SREBF2: variants seen among roughly 807,000 people sequenced by gnomAD.
SREBF2 encodes sterol regulatory element binding transcription factor 2.
Under a neutral mutation model 113.1 loss-of-function variants are expected in SREBF2, and 55 were observed. The observed-to-expected ratio is 0.49, with a 90% CI of 0.39 to 0.61. The LOEUF (loss-of-function observed/expected upper bound fraction) is 0.61, where lower values mean the gene tolerates loss of function less well. SREBF2 is among the 20% of genes least tolerant of loss of function. SREBF2 has a pLI of 0.00. For synonymous variants in SREBF2, 593 were observed against 605.7 expected, an observed-to-expected ratio of 0.98 and a Z score of 0.31; for missense variants, 1,349 against 1,487.4, an observed-to-expected ratio of 0.91 and a Z score of 1.53.
At chr22:41,895,324 A>G (rs908101582) in intron 13 of SREBF2, among the ~76,000 whole-genome samples, 1 of 149,748 alleles carries the variant, frequency 6.7e-6, no homozygotes, top group African/African-American at 2.5e-5. Context: ...TATTTTTAGT[A>G]GAGACGAGGT....
At position 41,833,219 on chromosome 22, in the gene SREBF2, C is replaced by T. The variant is rs1602253446; in HGVS notation, c.-52C>T. 6.9e-7 allele frequency: 1 copy of T among 1,445,604 alleles called. No individual in the cohort carries two copies. Among genetic ancestry groups the T allele is most frequent in the South Asian group, 1.3e-5 (1 of 77,918 alleles). The allele number at this position is 1,445,604 out of a possible 1,614,324, so 89.5% of individuals were successfully genotyped here. ...ATGGGCGGTGGCGACGGCACCGCCC[C>T]CGCGTCTCCCTGAGCGGGACGGCAG... On this transcript the variant is annotated 5_prime_UTR_variant, in exon 1 of 19. Transcript: ENST00000361204. This position sits in a 1 kb window ranked among gnomAD's most constrained non-coding sequence, Gnocchi z 4.1.
In SREBF2 at chr22:41,833,505, A is replaced by T. The variant is rs774646214; in HGVS notation, c.88+147A>T. On this transcript the variant is annotated intron_variant, in intron 1 of 18. Coordinates refer to ENST00000361204, the MANE Select transcript of SREBF2 (RefSeq NM_004599.4). The surrounding 1 kb of genome is among the most constrained non-coding windows in gnomAD (Gnocchi z 4.1). ...CGCACGGTGCCCCCGGCGGTCCTCAACCCTTCCGGCGCTGCGAGCGTGAGC... is the reference window on the plus strand; with the variant it reads ...CGCACGGTGCCCCCGGCGGTCCTCATCCCTTCCGGCGCTGCGAGCGTGAGC... 4.3e-5 allele frequency: 25 copies of T among 586,324 alleles called. No individual in the cohort carries two copies. The highest frequency in any genetic ancestry group is 6.4e-5 in the Non-Finnish European group (23 of 361,698). The allele number at this position is 586,324 out of a possible 1,614,324, so 36.3% of individuals were successfully genotyped here. A position where few individuals can be genotyped will look rare whatever the true frequency, so the allele number is the denominator to read the frequency against.
intron 1 of SREBF2, among the ~76,000 whole-genome samples, chr22:41,855,867 C>T (rs899276885): frequency 6.6e-6 from 1 of 151,768 alleles, no homozygotes; most frequent in Non-Finnish European, 1.5e-5. Context: ...GTGATCCTCC[C>T]ACCTCAGCCT....
intron 10 of SREBF2, among the ~76,000 whole-genome samples, chr22:41,882,390 G>A (rs1887739053): frequency 6.6e-6 from 1 of 152,324 alleles, no homozygotes; most frequent in East Asian, 1.9e-4. Context: ...GTGGAGGTGA[G>A]CTGGACATGC....
chr22:41,886,470 A>G (rs1194580148), intron 11 of SREBF2, among the ~76,000 whole-genome samples: 1 of 152,082 alleles, frequency 6.6e-6, no homozygotes, highest in African/African-American at 2.4e-5. Flanking sequence ...GCCCCCCAAA[A>G]ATGTTTTGAA....
At chr22:41,838,165 T>G (rs2076796729) in intron 1 of SREBF2, among the ~76,000 whole-genome samples, 1 of 152,106 alleles carries the variant, frequency 6.6e-6, no homozygotes, top group South Asian at 2.1e-4. Context: ...AAAGAAACAG[T>G]CATGGAGGTG....
At chr22:41,834,766 G>C (rs1383740642) in intron 1 of SREBF2, 1 of 152,218 alleles carries the variant, frequency 6.6e-6, no homozygotes, top group East Asian at 1.9e-4. Context: ...CAGACTCTTT[G>C]CTAAGTGCTT....
In SREBF2 at chr22:41,833,668, G is replaced by A; in HGVS notation, c.88+310G>A. The A allele has an allele frequency of 3.7e-6, 1 of 272,296 alleles. No homozygotes were observed. The highest frequency in any genetic ancestry group is 1.6e-4 in the South Asian group (1 of 6,332). The allele number at this position is 272,296 out of a possible 1,614,324, so 16.9% of individuals were successfully genotyped here. Reference sequence around the variant, plus strand: ...TCTCAGGGAGCGGCCTAAGGAGAGCGCGTGGCCGCCGCCTCCCTCGCGCGC... The same window carrying A: ...TCTCAGGGAGCGGCCTAAGGAGAGCACGTGGCCGCCGCCTCCCTCGCGCGC... On this transcript the variant is annotated intron_variant, in intron 1 of 18. Transcript: ENST00000361204. The surrounding 1 kb of genome is among the most constrained non-coding windows in gnomAD (Gnocchi z 4.1).
intron 11 of SREBF2, among the ~76,000 whole-genome samples, chr22:41,891,737 C>T (rs2077365039): frequency 6.6e-6 from 1 of 152,312 alleles, no homozygotes; most frequent in South Asian, 2.1e-4. Flanking sequence ...CTGGCAGCCC[C>T]GCCCCTGGGC....
chr22:41,900,974 CTGG>C (rs2077460776), intron 16 of SREBF2: 1 of 532,936 alleles, frequency 1.9e-6, no homozygotes, highest in Admixed American at 1.9e-5. Flanking sequence ...ATTGCATGTT[CTGG>C]TGGTACCCAT....
intron 1 of SREBF2, among the ~76,000 whole-genome samples, chr22:41,835,839 A>AGTCTTCAACTTCCAGGCAC (rs1158224299): frequency 1.3e-5 from 2 of 152,086 alleles, no homozygotes; most frequent in Non-Finnish European, 2.9e-5. Flanking sequence ...TGCCCAGGCT[A>AGTCTTCAACTTCCAGGCAC]GTCTTCAACT....
chr22:41,866,950 A>G lies in SREBF2; in HGVS notation c.208A>G (p.Ser70Gly), dbSNP rs1051145016. 3.1e-5 allele frequency: 50 copies of G among 1,613,406 alleles called. No individual in the cohort carries two copies. Among genetic ancestry groups the G allele is most frequent in the Non-Finnish European group, 3.2e-5 (38 of 1,179,588 alleles). The change falls in exon 2 of 19, where the codon AGC becomes GGC. Residue 70 changes from serine to glycine, a missense_variant. By Grantham distance (56) the Ser-to-Gly change is moderately conservative. This residue lies in a region of SREBF2 where 699 missense variants were observed against 843.3 expected (regional missense o/e 0.83). Transcript: ENST00000361204. ...SGSSSGSSGS[S>G]SSSSNGRGSS... is the part of the protein sequence containing the mutation. ...TAGCAGCAGCGGCAGCAGTGGCAGC[A>G]GCAGCAGCAGCAGCAATGGCAGGGG...
chr22:41,905,799 T>C lies in SREBF2; in HGVS notation c.*139T>C. The C allele has an allele frequency of 1.0e-6, 1 of 971,900 alleles. No homozygotes were observed. Among genetic ancestry groups the C allele is most frequent in the Non-Finnish European group, 1.6e-6 (1 of 621,234 alleles). The allele number at this position is 971,900 out of a possible 1,614,324, so 60.2% of individuals were successfully genotyped here. ...GAGGCTTCTGGGCCACTCAGGCCAGTGCACCCCTGGGCAGAGCCCCTTAAA... is the reference window on the plus strand; with the variant it reads ...GAGGCTTCTGGGCCACTCAGGCCAGCGCACCCCTGGGCAGAGCCCCTTAAA... On this transcript the variant is annotated 3_prime_UTR_variant, in exon 19 of 19. Transcript: ENST00000361204.
At chr22:41,841,438 T>C (rs1459549665) in intron 1 of SREBF2, among the ~76,000 whole-genome samples, 1 of 152,162 alleles carries the variant, frequency 6.6e-6, no homozygotes, top group East Asian at 1.9e-4. Context: ...TTTTTGGAGG[T>C]TGCTCAGATC....
chr22:41,893,414 G>A, intron 12 of SREBF2, 129 bp downstream of exon 12: 1 of 1,054,670 alleles, frequency 9.5e-7, no homozygotes. Flanking sequence ...TTGTTTGTTT[G>A]TTTGTTTGTT....
chr22:41,879,009 G>T (rs1039994939), intron 9 of SREBF2, among the ~76,000 whole-genome samples: 12 of 152,168 alleles, frequency 7.9e-5, no homozygotes, highest in Non-Finnish European at 1.3e-4. Context: ...GAAATGCATG[G>T]AACATGGCAA....
In SREBF2 at chr22:41,870,878, TC is replaced by T; in HGVS notation, c.721-10del. ...CTATCATCCTTTTACTTTTCTTCCT[TC>T]TTCATCCAGGTCCTGGTCCAGCCTC... On this transcript the variant is annotated splice_polypyrimidine_tract_variant and intron_variant, in intron 3 of 18. Transcript: ENST00000361204. 6.2e-7 allele frequency: 1 copy of T among 1,614,176 alleles called. No individual in the cohort carries two copies. The highest frequency in any genetic ancestry group is 8.5e-7 in the Non-Finnish European group (1 of 1,180,036).
At chr22:41,839,259 T>G (rs1018618889) in intron 1 of SREBF2, among the ~76,000 whole-genome samples, 1 of 151,936 alleles carries the variant, frequency 6.6e-6, no homozygotes, top group Non-Finnish European at 1.5e-5. Context: ...TGTGCTGAAA[T>G]TGGGGTGCCT....
intron 1 of SREBF2, among the ~76,000 whole-genome samples, chr22:41,849,006 T>TA (rs923087496): frequency 1.4e-4 from 21 of 152,042 alleles, no homozygotes; most frequent in East Asian, 5.8e-4. Context: ...TATTTTCCAG[T>TA]AAAAAAAATC....
Sources: allele counts gnomAD v4.1 joint callset (sites outside exome capture counted in the v4.1 genomes callset), GRCh38; gene constraint gnomAD v4.1.1; regional missense constraint gnomAD v4.1.1; non-coding constraint Gnocchi (gnomAD v3.1); transcripts MANE v1.5; gene names NCBI Gene and HGNC (gene_info 2026-07-23, HGNC 2026-07-21).